Variants in ABCG1 observed in about 807,000 individuals in gnomAD.
The protein encoded by ABCG1 is ATP binding cassette subfamily G member 1, also known as ATP-binding cassette sub-family G member 1.
Under a neutral mutation model 69.2 loss-of-function variants are expected in ABCG1, and 29 were observed. The ratio of observed to expected loss-of-function variants is 0.42; its 90% CI spans 0.31 to 0.57. ABCG1 has a LOEUF of 0.57. Ranked by LOEUF, ABCG1 falls within the 20% of genes least tolerant of loss-of-function variation. The pLI, the probability that ABCG1 is intolerant of heterozygous loss-of-function variation, is 0.15. For missense variants in ABCG1, 718 were observed against 898.1 expected, an observed-to-expected ratio of 0.80 and a Z score of 2.56; for synonymous variants, 370 against 374.8, an observed-to-expected ratio of 0.99 and a Z score of 0.15.
At chr21:42,264,103 C>T (rs968494348) in intron 2 of ABCG1, among the ~76,000 whole-genome samples, 3 of 152,184 alleles carry the variant, frequency 2.0e-5, no homozygotes, top group African/African-American at 7.2e-5. Context: ...CGTCACATGG[C>T]GGCTGTCGGA....
At chr21:42,204,649 G>T (rs2123463164) in intron 2 of ABCG1, among the ~76,000 whole-genome samples, 1 of 152,160 alleles carries the variant, frequency 6.6e-6, no homozygotes, top group Admixed American at 6.5e-5. Flanking sequence ...CTAGTATTTT[G>T]TTTGGGTTTT....
At chr21:42,239,334 C>CA (rs1410470925) in intron 2 of ABCG1, among the ~76,000 whole-genome samples, 1 of 152,230 alleles carries the variant, frequency 6.6e-6, no homozygotes, top group East Asian at 1.9e-4. Context: ...CTTAATAAAC[C>CA]ATGGCTACCC....
Position 42,282,328 on chromosome 21 carries a change from G to C in ABCG1, c.643G>C (p.Gly215Arg). The change falls in exon 6 of 15, where the codon GGG (glycine) becomes CGG (arginine). Residue 215 changes from glycine (G) to arginine (R), a missense_variant. Physicochemically the swap from Gly to Arg is moderately radical, Grantham distance 125. Transcript: ENST00000398449. Reference protein sequence around the residue: ...GLLSCANTRTGSLSGGQRKRL... With the variant: ...GLLSCANTRTRSLSGGQRKRL... ...GCTGTCTTGCGCCAACACGCGGACC[G>C]GGAGCCTGTCAGGTGGTCAGCGCAA... is the stretch of plus-strand genomic sequence containing the variant. 6.2e-6 allele frequency: 10 copies of C among 1,613,540 alleles called. No individual in the cohort carries two copies. The highest frequency in any genetic ancestry group is 8.5e-6 in the Non-Finnish European group (10 of 1,180,030).
intron 1 of ABCG1, chr21:42,201,466 G>A (rs1439368226): frequency 7.9e-6 from 5 of 629,650 alleles, no homozygotes; most frequent in South Asian, 3.9e-5. Flanking sequence ...AACGGGCCAC[G>A]GACTGGTCTG....
rs8134787 is a variant in ABCG1, at chr21:42,257,932, C to T, written c.287-13138C>T. Among the ~76,000 whole-genome samples the T allele has an allele frequency of 8.7e-3, 1,320 of 151,098 alleles. 25 individuals are homozygous for T. Among genetic ancestry groups the T allele is most frequent in the African/African-American group, 0.031 (1,251 of 40,912 alleles). On this transcript the variant is annotated intron_variant, in intron 2 of 14. Transcript: ENST00000398449. ...CCATCCATCCTTCCTCCCATTTTCC[C>T]ATCCACTCCATCAGCCTCTCCATCC...
intron 2 of ABCG1, among the ~76,000 whole-genome samples, chr21:42,202,124 C>A (rs936736485): frequency 1.3e-5 from 2 of 152,182 alleles, no homozygotes; most frequent in Non-Finnish European, 2.9e-5. Context: ...GGATCCCCAC[C>A]CCTGGACCAT....
At chr21:42,281,441 C>T (rs992931038) in intron 5 of ABCG1, among the ~76,000 whole-genome samples, 3 of 152,206 alleles carry the variant, frequency 2.0e-5, no homozygotes, top group South Asian at 2.1e-4. Context: ...TGCTGACCTT[C>T]GTGTTCCCTG....
chr21:42,261,380 G>A (rs750340454), intron 2 of ABCG1, among the ~76,000 whole-genome samples: 16 of 152,194 alleles, frequency 1.1e-4, no homozygotes, highest in East Asian at 1.9e-4. Flanking sequence ...TGACGGGAGC[G>A]GCCGGTGGGA....
rs753656019 is a variant in ABCG1 at position 42,288,881 on chromosome 21, G to A, written c.1224+569G>A. The stretch of plus-strand genomic sequence containing the variant: ...TGCAGGCTGTGTAAGAAGCATGGCC[G>A]GGGAGCCCTCAGGAAACTTTCAATC... On this transcript the variant is annotated intron_variant, in intron 10 of 14. Transcript: ENST00000398449. This position sits in a 1 kb window ranked among gnomAD's most constrained non-coding sequence, Gnocchi z 4.8. 3.3e-5 allele frequency among the ~76,000 whole-genome samples: 5 copies of A among 152,102 alleles called. No homozygotes were observed. Among genetic ancestry groups the A allele is most frequent in the East Asian group, 3.9e-4 (2 of 5,190 alleles).
At chr21:42,217,736 G>GGCTGGAGT (rs2067657759), upstream of ABCG1, among the ~76,000 whole-genome samples, 3 of 126,228 alleles carry the variant, frequency 2.4e-5, no homozygotes, top group African/African-American at 9.1e-5. Flanking sequence ...CTGTCACCCC[G>GGCTGGAGT]GCTGGAGTGC....
chr21:42,220,676 G>T (rs1237666665), intron 1 of ABCG1, among the ~76,000 whole-genome samples: 1 of 152,262 alleles, frequency 6.6e-6, no homozygotes, highest in African/African-American at 2.4e-5. Context: ...CGTAGAAGAG[G>T]CAGTGAACAA....
At position 42,288,066 on chromosome 21, in the gene ABCG1, T is replaced by C. The variant is rs2068979475; in HGVS notation, c.1122+29T>C. On this transcript the variant is annotated intron_variant, in intron 9 of 14. Transcript: ENST00000398449. The surrounding 1 kb of genome is among the most constrained non-coding windows in gnomAD (Gnocchi z 4.8). ...AAGCAGACAAAACGATTAAAGGGGT[T>C]GAGAAAGGTAATGCAAATCCCGAAG... is the stretch of plus-strand genomic sequence containing the variant. The C allele has an allele frequency of 6.2e-7, 1 of 1,604,870 alleles. No homozygotes were observed. The highest frequency in any genetic ancestry group is 8.5e-7 in the Non-Finnish European group (1 of 1,172,996).
At chr21:42,232,811 G>A (rs766515809) in intron 2 of ABCG1, among the ~76,000 whole-genome samples, 4 of 152,194 alleles carry the variant, frequency 2.6e-5, no homozygotes, top group African/African-American at 7.2e-5. Flanking sequence ...ACATGACACC[G>A]TTTCTTTTGT....
At chr21:42,284,762 C>G in intron 7 of ABCG1, 79 bp downstream of exon 7, 1 of 1,546,464 alleles carries the variant, frequency 6.5e-7, no homozygotes. Context: ...CCTGGGTACC[C>G]ACTGCCTTCT....
At chr21:42,228,249 GGCCGCC>G (rs2067848666) in intron 2 of ABCG1, among the ~76,000 whole-genome samples, 1 of 152,144 alleles carries the variant, frequency 6.6e-6, no homozygotes, top group South Asian at 2.1e-4. Context: ...GCCTGCAATG[GGCCGCC>G]GAGGGACCTG....
intron 2 of ABCG1, among the ~76,000 whole-genome samples, chr21:42,249,137 C>T (rs534891490): frequency 4.6e-5 from 7 of 152,086 alleles, no homozygotes; most frequent in Middle Eastern, 3.4e-3. Context: ...TAAATACGAA[C>T]GTGGTGCAAG....
chr21:42,213,009 A>G (rs185257515), upstream of ABCG1, among the ~76,000 whole-genome samples: 68 of 152,318 alleles, frequency 4.5e-4, no homozygotes, highest in Non-Finnish European at 7.4e-4. Context: ...CAGAATTTAT[A>G]GTCAAAAAGG....
chr21:42,250,469 G>T (rs1024451102), intron 2 of ABCG1, among the ~76,000 whole-genome samples: 10 of 152,198 alleles, frequency 6.6e-5, no homozygotes, highest in Admixed American at 3.3e-4. Flanking sequence ...ATAGGCAGCC[G>T]CATGCAGTGG....
chr21:42,250,601 G>A (rs2068204178), intron 2 of ABCG1, among the ~76,000 whole-genome samples: 1 of 152,244 alleles, frequency 6.6e-6, no homozygotes, highest in Admixed American at 6.5e-5. Flanking sequence ...GGCCTCCTCT[G>A]GTGGCCGCTC....
Sources: gnomAD v4.1 joint callset for allele counts (sites outside exome capture counted in the v4.1 genomes callset) on GRCh38, gnomAD v4.1.1 for gene constraint, Gnocchi (gnomAD v3.1) non-coding constraint, MANE v1.5 for transcripts, NCBI Gene and HGNC (gene_info 2026-07-23, HGNC 2026-07-21) for gene names.